Variants in DIS3L2 observed in about 807,000 individuals in gnomAD.
DIS3L2 encodes DIS3 like 3'-5' exoribonuclease 2.
DIS3L2 carries 34 observed loss-of-function variants against 97.5 expected under a neutral mutation model. The observed-to-expected ratio is 0.35, with a 90% confidence interval of 0.27 to 0.46. The LOEUF is 0.46. DIS3L2 is among the 20% of genes least tolerant of loss of function. The probability of loss-of-function intolerance (pLI) is 1.00; values close to 1 mark genes in which losing one functional copy is unlikely to be tolerated. For synonymous variants in DIS3L2, 435 were observed against 445.2 expected, an observed-to-expected ratio of 0.98 and a Z score of 0.29; for missense variants, 1,038 against 1,146.0, an observed-to-expected ratio of 0.91 and a Z score of 1.36.
In DIS3L2 at chr2:232,336,917, C is replaced by T. The variant is rs1240264545; in HGVS notation, c.*287C>T. Reference sequence around the variant, plus strand: ...CTGGGCCCTACTGCCCTCCTCTGCCCAGGAAATGGGGGGGTTTCAGCAACT... The same window carrying T: ...CTGGGCCCTACTGCCCTCCTCTGCCTAGGAAATGGGGGGGTTTCAGCAACT... On this transcript the variant is annotated 3_prime_UTR_variant, in exon 21 of 21. Coordinates refer to ENST00000325385, the MANE Select transcript of DIS3L2 (RefSeq NM_152383.5). The T allele has an allele frequency of 5.6e-6, 7 of 1,245,428 alleles. No homozygotes were observed. The highest frequency in any genetic ancestry group is 6.1e-6 in the Non-Finnish European group (6 of 988,738). The allele number at this position is 1,245,428 out of a possible 1,614,324, so 77.1% of individuals were successfully genotyped here.
chr2:231,998,191 C>T (rs1056816145), intron 1 of DIS3L2, among the ~76,000 whole-genome samples: 1 of 152,104 alleles, frequency 6.6e-6, no homozygotes, highest in Admixed American at 6.6e-5. Context: ...TCTCACAGTT[C>T]TGGAGTCTGG....
At chr2:232,149,348 T>G (rs1353950573) in intron 8 of DIS3L2, among the ~76,000 whole-genome samples, 3 of 66,700 alleles carry the variant, frequency 4.5e-5, no homozygotes, top group African/African-American at 6.2e-5. Flanking sequence ...CCCTCCCCCC[T>G]CCCCCGACCC....
At chr2:232,149,539 T>C (rs1399569110) in intron 8 of DIS3L2, among the ~76,000 whole-genome samples, 1 of 149,676 alleles carries the variant, frequency 6.7e-6, no homozygotes, top group Non-Finnish European at 1.5e-5. Flanking sequence ...ATCATTTTTA[T>C]GGCTGCATAG....
Position 232,276,388 on chromosome 2 carries a change from T to C in DIS3L2, c.1659+12948T>C, listed in dbSNP as rs1694140139. Among the ~76,000 whole-genome samples, 1 of 152,206 alleles carries C rather than the reference T, an allele frequency of 6.6e-6. No individual in the cohort carries two copies. The highest frequency in any genetic ancestry group is 2.1e-4 in the South Asian group (1 of 4,834). On this transcript the variant is annotated intron_variant, in intron 13 of 20. Transcript: ENST00000325385. This position sits in a 1 kb window ranked among gnomAD's most constrained non-coding sequence, Gnocchi z 4.4. Reference sequence around the variant, plus strand: ...CAGGCTTACCCACCTCCCTGGTGGCTATGCCAGAGCACAGCTGAGCTCACC... The same window carrying C: ...CAGGCTTACCCACCTCCCTGGTGGCCATGCCAGAGCACAGCTGAGCTCACC...
At chr2:232,122,575 G>A (rs917262484) in intron 6 of DIS3L2, among the ~76,000 whole-genome samples, 9 of 152,040 alleles carry the variant, frequency 5.9e-5, no homozygotes, top group African/African-American at 9.7e-5. Context: ...AAAATTAGCC[G>A]GGCGTGGTGG....
At chr2:232,267,476 A>G (rs190835585) in intron 13 of DIS3L2, among the ~76,000 whole-genome samples, 10 of 152,290 alleles carry the variant, frequency 6.6e-5, no homozygotes, top group Non-Finnish European at 1.2e-4. Context: ...AGTTTCTTCT[A>G]TCTCCATGTT....
chr2:232,100,344 T>C (rs73001192), intron 6 of DIS3L2, among the ~76,000 whole-genome samples: 1,857 of 152,092 alleles, frequency 0.012, 19 homozygotes, highest in Non-Finnish European at 0.017. Flanking sequence ...GCCTTTTTTT[T>C]CCTCTATTGT....
chr2:232,059,170 A>G (rs1322084002), intron 5 of DIS3L2, among the ~76,000 whole-genome samples: 1 of 152,226 alleles, frequency 6.6e-6, no homozygotes. Context: ...GATAATTTTC[A>G]GAAGAATTCT....
At chr2:232,287,929 TATG>T (rs1574995774) in intron 13 of DIS3L2, among the ~76,000 whole-genome samples, 2 of 152,220 alleles carry the variant, frequency 1.3e-5, no homozygotes, top group East Asian at 3.8e-4. Context: ...TAACCCCAGG[TATG>T]GGCCCCATAG....
chr2:232,220,893 A>G (rs1410919405), intron 10 of DIS3L2, among the ~76,000 whole-genome samples: 1 of 151,860 alleles, frequency 6.6e-6, no homozygotes, highest in African/African-American at 2.4e-5. Flanking sequence ...ACCTGATGTC[A>G]GGAGTTGGAG....
downstream of DIS3L2, chr2:232,340,800 C>CAA: frequency 2.1e-6 from 1 of 471,450 alleles, no homozygotes; most frequent in South Asian, 1.5e-5. Flanking sequence ...TCTCAGTCTG[C>CAA]AAGCCCCTTG....
chr2:232,016,729 C>G (rs565627686), intron 3 of DIS3L2, among the ~76,000 whole-genome samples: 61 of 152,016 alleles, frequency 4.0e-4, no homozygotes, highest in African/African-American at 1.4e-3. Context: ...TGAATTAAGT[C>G]TATTTCATAA....
chr2:232,089,228 T>G (rs964767297), intron 6 of DIS3L2, among the ~76,000 whole-genome samples: 2 of 152,196 alleles, frequency 1.3e-5, no homozygotes, highest in Non-Finnish European at 2.9e-5. Flanking sequence ...TTTCCAACTT[T>G]GAAATTCTTC....
chr2:232,301,579 C>A (rs534454302), intron 14 of DIS3L2, among the ~76,000 whole-genome samples: 12 of 152,300 alleles, frequency 7.9e-5, no homozygotes, highest in African/African-American at 2.9e-4. Flanking sequence ...GACATGATGA[C>A]TGTTTGTAAT....
At chr2:232,056,297 G>T (rs545870954) in intron 5 of DIS3L2, among the ~76,000 whole-genome samples, 1 of 152,158 alleles carries the variant, frequency 6.6e-6, no homozygotes, top group South Asian at 2.1e-4. Context: ...CTTGAACTTG[G>T]GAGGTGGAGG....
chr2:232,144,489 A>G (rs1244088023), intron 8 of DIS3L2, among the ~76,000 whole-genome samples: 1 of 151,924 alleles, frequency 6.6e-6, no homozygotes, highest in Non-Finnish European at 1.5e-5. Flanking sequence ...TTAACAGTTA[A>G]TTTTTTATTT....
At chr2:231,978,077 G>A (rs563120864) in intron 1 of DIS3L2, among the ~76,000 whole-genome samples, 1 of 152,140 alleles carries the variant, frequency 6.6e-6, no homozygotes, top group African/African-American at 2.4e-5. Flanking sequence ...GATTTTCAGT[G>A]GAAAAGATTG....
At chr2:232,225,829 T>TAATAG (rs1301108003) in intron 10 of DIS3L2, among the ~76,000 whole-genome samples, 1 of 152,234 alleles carries the variant, frequency 6.6e-6, no homozygotes, top group Non-Finnish European at 1.5e-5. Flanking sequence ...TATATCCATA[T>TAATAG]AATAGAATAT....
rs536166847 is a variant in DIS3L2, at chr2:232,210,403, A to G, written c.1202A>G (p.Asp401Gly). The change falls in exon 10 of 21, where the codon GAC becomes GGC. Residue 401 changes from aspartate to glycine, a missense_variant and splice_region_variant. Asp to Gly is a moderately conservative substitution (Grantham distance 94, BLOSUM62 -1). This residue lies in a region of DIS3L2 where 813 missense variants were observed against 880.1 expected (regional missense o/e 0.92). Transcript: ENST00000325385. ...DDALSCKPLA[D>G]GNFKVGVHIA... ...GCCCTCTCCTGCAAGCCACTCGCTG[A>G]CGGTAGGATGGAAATTTCTATAGCA... 13 of 1,613,118 alleles carry G rather than the reference A, an allele frequency of 8.1e-6. No homozygotes were observed. In the South Asian group the frequency reaches 1.2e-4, roughly 15 times the overall value.
Sources: gnomAD v4.1 joint callset for allele counts (sites outside exome capture counted in the v4.1 genomes callset) on GRCh38, gnomAD v4.1.1 for gene constraint, gnomAD v4.1.1 regional missense constraint, Gnocchi (gnomAD v3.1) non-coding constraint, MANE v1.5 for transcripts, NCBI Gene and HGNC (gene_info 2026-07-23, HGNC 2026-07-21) for gene names.